The following TASL variants were observed in gnomAD, a reference collection of about 807,000 sequenced individuals.
TASL encodes the protein TLR adapter interacting with SLC15A4 on the lysosome.
A neutral mutation model predicts 12.9 loss-of-function variants in TASL; 6 were observed. The ratio of observed to expected loss-of-function variants is 0.46; its 90% confidence interval spans 0.25 to 0.92. The LOEUF is 0.92. Among genes scored for constraint, TASL ranks in the 40% least tolerant of loss-of-function variants. TASL has a pLI of 0.17. For synonymous variants in TASL, 85 were observed against 79.3 expected (o/e 1.07, Z -0.38); for missense variants, 165 against 212.8 (o/e 0.78, Z 1.40).
chrX:30,571,262 GAAAGAAAGAAAGAAAGAAA>G (rs1930600135), intron 2 of TASL, among the ~76,000 whole-genome samples: 1 of 27,321 alleles, frequency 3.7e-5, no homozygotes, highest in Non-Finnish European at 8.0e-5. Flanking sequence ...GAAAGAGAAA[GAAAGAAAGAAAGAAAGAAA>G]GAAAGAAAGA....
In TASL at chrX:30,559,140, C is replaced by T. The variant is rs1176321266; in HGVS notation, c.*310G>A. The T allele has an allele frequency of 2.7e-5, 5 of 186,625 alleles. No homozygotes were observed. Among genetic ancestry groups the T allele is most frequent in the Non-Finnish European group, 3.9e-5 (4 of 101,741 alleles). 15.4% of individuals were successfully genotyped at this position (186,625 alleles called of 1,213,427 possible). On this transcript the variant is annotated 3_prime_UTR_variant, in exon 3 of 3. Coordinates refer to ENST00000378962, the MANE Select transcript of TASL (RefSeq NM_025159.3). ...GGCCTTTTTGTTTCATCTCATTTGACTGTCTTCTTTTTTAATTCCTATGTT... is the reference window on the plus strand; with the variant it reads ...GGCCTTTTTGTTTCATCTCATTTGATTGTCTTCTTTTTTAATTCCTATGTT...
chrX:30,575,347 C>A (rs1930690854), intron 2 of TASL, among the ~76,000 whole-genome samples: 2 of 111,113 alleles, frequency 1.8e-5, no homozygotes, highest in Admixed American at 9.6e-5. Context: ...GATGCTAGAC[C>A]TTTACCTAAA....
chrX:30,573,542 A>G (rs1930661188), intron 2 of TASL, among the ~76,000 whole-genome samples: 1 of 111,979 alleles, frequency 8.9e-6, no homozygotes. Flanking sequence ...ATCTAACCAT[A>G]TGAACATTTT....
In TASL at chrX:30,560,023, G is replaced by A. The variant is rs1473512871; in HGVS notation, c.333C>T (p.Tyr111=). The change falls in exon 3 of 3, where the codon TAC becomes TAT. Residue 111 remains tyrosine (Y), a synonymous_variant. Transcript: ENST00000378962. ...EICRDASRET[Y]LVPSSCKSIC... is the part of the protein sequence containing the mutation. ...TACTTTTGCAAGAAGATGGAACCAAGTAGGTCTCTCTGCTGGCATCTCTAC... is the reference window on the plus strand; with the variant it reads ...TACTTTTGCAAGAAGATGGAACCAAATAGGTCTCTCTGCTGGCATCTCTAC... 1 of 1,209,266 alleles carries A rather than the reference G, an allele frequency of 8.3e-7. No homozygotes were observed. The highest frequency in any genetic ancestry group is 2.2e-5 in the Admixed American group (1 of 45,757).
At chrX:30,571,281 A>AGAAAGAAAGAAAAAGAAAGAAAGAAAG (rs1930610052) in intron 2 of TASL, among the ~76,000 whole-genome samples, 1 of 80,737 alleles carries the variant, frequency 1.2e-5, no homozygotes. Context: ...AAAGAAAGAA[A>AGAAAGAAAGAAAAAGAAAGAAAGAAAG]GAAAGAAAGA....
At chrX:30,571,262 GAAAGAAAGAA>G (rs1930599777) in intron 2 of TASL, among the ~76,000 whole-genome samples, 5 of 27,313 alleles carry the variant, frequency 1.8e-4, no homozygotes, top group Non-Finnish European at 4.0e-4. Flanking sequence ...GAAAGAGAAA[GAAAGAAAGAA>G]AGAAAGAAAG....
chrX:30,559,444 T>G lies in TASL; in HGVS notation c.*6A>C, dbSNP rs1379875663. ...TAAATGCGAGACAGTAATGGAAGCATCCTCTCTATGGATTTACATTGCTAT... is the reference window on the plus strand; with the variant it reads ...TAAATGCGAGACAGTAATGGAAGCAGCCTCTCTATGGATTTACATTGCTAT... On this transcript the variant is annotated 3_prime_UTR_variant, in exon 3 of 3. Coordinates refer to ENST00000378962, the MANE Select transcript of TASL (RefSeq NM_025159.3). 1 of 1,139,738 alleles carries G rather than the reference T, an allele frequency of 8.8e-7. No homozygotes were observed. The highest frequency in any genetic ancestry group is 3.0e-5 in the East Asian group (1 of 33,437). The allele number at this position is 1,139,738 out of a possible 1,213,427, so 93.9% of individuals were successfully genotyped here.
chrX:30,572,684 A>G (rs1194826383), intron 2 of TASL, among the ~76,000 whole-genome samples: 1 of 112,496 alleles, frequency 8.9e-6, no homozygotes, highest in Non-Finnish European at 1.9e-5. Flanking sequence ...CTAAGGAAAG[A>G]AGAACTTTAT....
intron 2 of TASL, among the ~76,000 whole-genome samples, chrX:30,570,236 T>TCACACA (rs139566030): frequency 0.015 from 1,490 of 99,777 alleles, 22 homozygotes; most frequent in Admixed American, 0.028. Flanking sequence ...ACTCTCTCTC[T>TCACACA]CACACACACA....
At chrX:30,570,663 G>T in intron 2 of TASL, among the ~76,000 whole-genome samples, 1 of 111,720 alleles carries the variant, frequency 9.0e-6, no homozygotes, top group Non-Finnish European at 1.9e-5. Context: ...GAAGAATAAA[G>T]TGAGCATTAA....
At chrX:30,564,069 G>C in intron 2 of TASL, among the ~76,000 whole-genome samples, 1 of 111,421 alleles carries the variant, frequency 9.0e-6, no homozygotes, top group South Asian at 3.8e-4. Flanking sequence ...TGAAGGAGGT[G>C]GCAGATTCTA....
intron 2 of TASL, among the ~76,000 whole-genome samples, chrX:30,572,094 A>C: frequency 8.9e-6 from 1 of 111,814 alleles, no homozygotes; most frequent in African/African-American, 3.2e-5. Flanking sequence ...AAGACACCTG[A>C]GAATATTTGC....
At chrX:30,564,258 A>C (rs1930466565) in intron 2 of TASL, among the ~76,000 whole-genome samples, 1 of 112,079 alleles carries the variant, frequency 8.9e-6, no homozygotes, top group Non-Finnish European at 1.9e-5. Flanking sequence ...CAAAATTACA[A>C]GATGGAAAAT....
In TASL at chrX:30,560,621, C is replaced by G. The variant is rs143345037; in HGVS notation, c.-1-265G>C. On this transcript the variant is annotated intron_variant, in intron 2 of 2. Transcript: ENST00000378962. ...TATAAACAATTCCAACATTGTATCA[C>G]TGAGGATTATAATAGTGATAGGTAA... Among the ~76,000 whole-genome samples, 588 of 102,820 alleles carry G rather than the reference C, an allele frequency of 5.7e-3. 3 individuals are homozygous for G. Among genetic ancestry groups the G allele is most frequent in the African/African-American group, 0.02 (550 of 27,603 alleles). The allele number at this position is 102,820 out of a possible 115,157, so 89.3% of individuals were successfully genotyped here.
intron 2 of TASL, among the ~76,000 whole-genome samples, chrX:30,575,312 A>G (rs1021148147): frequency 1.8e-5 from 2 of 111,525 alleles, no homozygotes; most frequent in African/African-American, 6.5e-5. Context: ...TCTGTATTAC[A>G]TGTTCCAGTT....
chrX:30,571,246 G>GAGAAAGAAAGAAAGAA (rs200635175), intron 2 of TASL, among the ~76,000 whole-genome samples: 2 of 47,075 alleles, frequency 4.2e-5, no homozygotes, highest in African/African-American at 2.4e-4. Flanking sequence ...GAAGGAAAAA[G>GAGAAAGAAAGAAAGAA]AGAAAGAAAG....
At chrX:30,560,396 T>A in intron 2 of TASL, 40 bp from the exon 3 acceptor site, 1 of 1,013,022 alleles carries the variant, frequency 9.9e-7, no homozygotes, top group Non-Finnish European at 1.3e-6. Context: ...GGAAAAAGAA[T>A]ACTGAAATTT....
At position 30,559,768 on chromosome X, in the gene TASL, T is replaced by C. The variant is rs1271495691; in HGVS notation, c.588A>G (p.Lys196=). Residue 196 remains lysine (K), a synonymous_variant, in exon 3 of 3, where the codon AAA becomes AAG. Transcript: ENST00000378962. ...SYWRITSIKE[K]SSLQMQNPIS... Reference sequence around the variant, plus strand: ...TAGGATTCTGCATTTGCAAGCTGCTTTTCTCTTTGATGCTTGTTATTCTCC... The same window carrying C: ...TAGGATTCTGCATTTGCAAGCTGCTCTTCTCTTTGATGCTTGTTATTCTCC... 3.3e-6 allele frequency: 4 copies of C among 1,209,543 alleles called. No individual in the cohort carries two copies. In the Admixed American group the frequency reaches 6.6e-5, roughly 20 times the overall value.
chrX:30,564,370 A>C (rs952514550), intron 2 of TASL, among the ~76,000 whole-genome samples: 2 of 110,874 alleles, frequency 1.8e-5, no homozygotes, highest in Non-Finnish European at 3.8e-5. Context: ...GACACAACTT[A>C]AGAATATTTC....
Sources: allele counts gnomAD v4.1 joint callset (sites outside exome capture counted in the v4.1 genomes callset), GRCh38; gene constraint gnomAD v4.1.1; transcripts MANE v1.5; gene names NCBI Gene and HGNC (gene_info 2026-07-23, HGNC 2026-07-21).